Variants in PTK7 observed in about 807,000 individuals in gnomAD.
PTK7 encodes protein tyrosine kinase 7 (inactive).
Under a neutral mutation model 116.6 loss-of-function variants are expected in PTK7, and 39 were observed. The ratio of observed to expected loss-of-function variants is 0.33; its 90% CI spans 0.26 to 0.44. The LOEUF is 0.44. Among genes scored for constraint, PTK7 ranks in the 20% least tolerant of loss-of-function variants. The probability of loss-of-function intolerance (pLI) is 1.00; values close to 1 mark genes in which losing one functional copy is unlikely to be tolerated. For synonymous variants in PTK7, 546 were observed against 563.6 expected (o/e 0.97, Z 0.44); for missense variants, 1,169 against 1,425.6 (o/e 0.82, Z 2.90).
intron 1 of PTK7, among the ~76,000 whole-genome samples, chr6:43,093,895 C>G (rs1309322312): frequency 1.3e-5 from 2 of 152,178 alleles, no homozygotes; most frequent in Non-Finnish European, 2.9e-5. Context: ...CAAATACCCC[C>G]TAAAAGTTTC....
At chr6:43,144,300 T>G in intron 14 of PTK7, 151 bp from the exon 15 acceptor site, 2 of 756,010 alleles carry the variant, frequency 2.6e-6, no homozygotes, top group Non-Finnish European at 4.2e-6. Flanking sequence ...CCCAGCCCCA[T>G]TATTTCATCA....
At position 43,130,663 on chromosome 6, in the gene PTK7, T is replaced by C; in HGVS notation, c.812+2T>C. On this transcript the variant is annotated splice_donor_variant, in intron 5 of 19. Coordinates refer to ENST00000230419, the MANE Select transcript of PTK7 (RefSeq NM_002821.5). LOFTEE classifies it high-confidence loss of function. ...GACTCCCATCACTAACCGCAGTCGG[T>C]AAGGCATCTGGCTGGGAGCATTCCA... The C allele has an allele frequency of 6.2e-7, 1 of 1,614,152 alleles. No individual in the cohort carries two copies. Among genetic ancestry groups the C allele is most frequent in the South Asian group, 1.1e-5 (1 of 91,086 alleles).
chr6:43,113,290 A>C (rs1420649402), intron 1 of PTK7, among the ~76,000 whole-genome samples: 1 of 152,042 alleles, frequency 6.6e-6, no homozygotes, highest in Non-Finnish European at 1.5e-5. Flanking sequence ...AAAATTAGCC[A>C]GGTATGGTGG....
intron 17 of PTK7, among the ~76,000 whole-genome samples, chr6:43,147,465 TC>T (rs1053137325): frequency 2.6e-5 from 4 of 152,166 alleles, no homozygotes; most frequent in Non-Finnish European, 5.9e-5. Flanking sequence ...TGGATCTACT[TC>T]CTTCCATGTG....
chr6:43,156,470 T>A (rs1024695788), intron 17 of PTK7, among the ~76,000 whole-genome samples: 2 of 151,860 alleles, frequency 1.3e-5, no homozygotes, highest in Admixed American at 6.6e-5. Flanking sequence ...AAGGCTGGGA[T>A]TGATGGTACA....
intron 1 of PTK7, among the ~76,000 whole-genome samples, chr6:43,112,043 G>T (rs1394575135): frequency 6.6e-6 from 1 of 151,902 alleles, no homozygotes; most frequent in Non-Finnish European, 1.5e-5. Flanking sequence ...GCTTGTCCAA[G>T]GTCATACTCT....
chr6:43,109,321 G>A lies in PTK7; in HGVS notation c.80-19656G>A, dbSNP rs553422681. Among the ~76,000 whole-genome samples, 24 of 152,244 alleles carry A rather than the reference G, an allele frequency of 1.6e-4. 1 individual carries two copies. The South Asian group carries it at 4.8e-3, about 30-fold the overall frequency. The stretch of plus-strand genomic sequence containing the variant: ...CACTCAAGTAGCTGGGACTACAGGA[G>A]CATGGCATCATACCCAGCAGGCCTT... On this transcript the variant is annotated intron_variant, in intron 1 of 19. Coordinates refer to ENST00000230419, the MANE Select transcript of PTK7 (RefSeq NM_002821.5).
chr6:43,110,818 G>C (rs1371313032), intron 1 of PTK7, among the ~76,000 whole-genome samples: 2 of 152,216 alleles, frequency 1.3e-5, no homozygotes, highest in Non-Finnish European at 2.9e-5. Context: ...CATTGCTGCT[G>C]ACGGTCATTT....
intron 17 of PTK7, among the ~76,000 whole-genome samples, chr6:43,152,949 C>A (rs565445023): frequency 2.8e-4 from 42 of 151,760 alleles, no homozygotes; most frequent in African/African-American, 9.9e-4. Flanking sequence ...CCACACCTGG[C>A]TAATTTTTGT....
chr6:43,105,711 C>T (rs1412597781), intron 1 of PTK7, among the ~76,000 whole-genome samples: 3 of 152,222 alleles, frequency 2.0e-5, no homozygotes, highest in Admixed American at 6.5e-5. Flanking sequence ...CTTGTGATAG[C>T]GAAGGCTGAG....
intron 1 of PTK7, among the ~76,000 whole-genome samples, chr6:43,105,122 T>C (rs931349071): frequency 2.6e-5 from 4 of 151,844 alleles, no homozygotes; most frequent in African/African-American, 9.7e-5. Context: ...TTTTTTTTTT[T>C]TTAAAAAAAC....
chr6:43,104,692 T>C (rs986758915), intron 1 of PTK7, among the ~76,000 whole-genome samples: 1 of 152,046 alleles, frequency 6.6e-6, no homozygotes. Context: ...CCTCCCAGAG[T>C]GCTGGGATTA....
In PTK7 at chr6:43,141,534, C is replaced by G; in HGVS notation, c.1619-134C>G. 3 of 1,061,834 alleles carry G rather than the reference C, an allele frequency of 2.8e-6. No individual in the cohort carries two copies. Among genetic ancestry groups the G allele is most frequent in the Non-Finnish European group, 4.1e-6 (3 of 731,132 alleles). The allele number at this position is 1,061,834 out of a possible 1,614,324, so 65.8% of individuals were successfully genotyped here. Reference sequence around the variant, plus strand: ...ACGGAGGGGCTTCTAACACTTGGCTCAGGAGTTTGGACTTTGCCTGTGGGT... The same window carrying G: ...ACGGAGGGGCTTCTAACACTTGGCTGAGGAGTTTGGACTTTGCCTGTGGGT... On this transcript the variant is annotated intron_variant, in intron 10 of 19. Transcript: ENST00000230419. The surrounding 1 kb of genome is among the most constrained non-coding windows in gnomAD (Gnocchi z 4.9).
intron 17 of PTK7, among the ~76,000 whole-genome samples, chr6:43,149,279 G>T (rs1446409349): frequency 6.6e-6 from 1 of 151,980 alleles, no homozygotes; most frequent in East Asian, 1.9e-4. Flanking sequence ...GGCTGAGGCA[G>T]GAGAATCGCT....
rs370655073 is a variant in PTK7, at chr6:43,109,417, A to G, written c.80-19560A>G. Among the ~76,000 whole-genome samples, 24 of 152,182 alleles carry G rather than the reference A, an allele frequency of 1.6e-4. No homozygotes were observed. In the East Asian group the frequency reaches 4.2e-3, roughly 27 times the overall value. On this transcript the variant is annotated intron_variant, in intron 1 of 19. Coordinates refer to ENST00000230419, the MANE Select transcript of PTK7 (RefSeq NM_002821.5). Reference sequence around the variant, plus strand: ...TTTGCTTGTTTCCTTGTATGATAAGATGGAGTTCTAGGCTTCTCTTGTACA... The same window carrying G: ...TTTGCTTGTTTCCTTGTATGATAAGGTGGAGTTCTAGGCTTCTCTTGTACA...
At chr6:43,148,865 C>G (rs1210543904) in intron 17 of PTK7, among the ~76,000 whole-genome samples, 1 of 150,720 alleles carries the variant, frequency 6.6e-6, no homozygotes, top group East Asian at 2.0e-4. Context: ...ACGAGACCAG[C>G]CTGGCCAACA....
intron 1 of PTK7, among the ~76,000 whole-genome samples, chr6:43,107,504 T>G (rs1373066352): frequency 2.6e-5 from 4 of 152,214 alleles, no homozygotes; most frequent in Admixed American, 2.6e-4. Context: ...CAAGTTAATA[T>G]GGTTAAATGT....
chr6:43,118,915 G>A (rs1442385442), intron 1 of PTK7, among the ~76,000 whole-genome samples: 2 of 150,728 alleles, frequency 1.3e-5, no homozygotes, highest in Non-Finnish European at 3.0e-5. Flanking sequence ...ACGACAGGTG[G>A]GCGCCACCAC....
intron 1 of PTK7, among the ~76,000 whole-genome samples, chr6:43,123,109 A>C (rs141398844): frequency 1.3e-5 from 2 of 151,962 alleles, no homozygotes; most frequent in Non-Finnish European, 1.5e-5. Context: ...GGGTCTTTCT[A>C]TCTCAGCCTG....
Sources: allele counts gnomAD v4.1 joint callset (sites outside exome capture counted in the v4.1 genomes callset), GRCh38; gene constraint gnomAD v4.1.1; non-coding constraint Gnocchi (gnomAD v3.1); transcripts MANE v1.5; gene names NCBI Gene and HGNC (gene_info 2026-07-23, HGNC 2026-07-21).